Variants in TINAG observed in about 807,000 individuals in gnomAD.
TINAG encodes the protein tubulointerstitial nephritis antigen.
A neutral mutation model predicts 72.7 loss-of-function variants in TINAG; 83 were observed. The ratio of observed to expected loss-of-function variants is 1.14; its 90% confidence interval spans 0.96 to 1.37. The LOEUF is 1.37. TINAG is among the 40% of genes most tolerant of loss of function. TINAG has a pLI of 0.00. For missense variants in TINAG, 685 were observed against 576.6 expected, an observed-to-expected ratio of 1.19 and a Z score of -1.93; for synonymous variants, 234 against 189.9, an observed-to-expected ratio of 1.23 and a Z score of -1.91.
Position 54,308,513 on chromosome 6 carries a change from T to C in TINAG, c.-38T>C. The C allele has an allele frequency of 6.5e-7, 1 of 1,547,276 alleles. No homozygotes were observed. Among genetic ancestry groups the C allele is most frequent in the Non-Finnish European group, 8.8e-7 (1 of 1,139,396 alleles). On this transcript the variant is annotated 5_prime_UTR_variant, in exon 1 of 11. Transcript: ENST00000259782. ...AGCCCACAAGGCTAAGGGTATTGGA[T>C]ATAACGGAAAGTGGAAGCTATACCT...
chr6:54,329,869 A>G (rs1291064875), intron 4 of TINAG, among the ~76,000 whole-genome samples: 1 of 152,150 alleles, frequency 6.6e-6, no homozygotes, highest in Admixed American at 6.5e-5. Flanking sequence ...ATCAAAAAAG[A>G]CCAAGAAGGG....
intron 1 of TINAG, among the ~76,000 whole-genome samples, chr6:54,310,889 A>G (rs1377488460): frequency 2.1e-5 from 1 of 48,242 alleles, no homozygotes; most frequent in East Asian, 6.5e-4. Context: ...TTCTCTCTCT[A>G]TTTCTCTCCC....
intron 9 of TINAG, among the ~76,000 whole-genome samples, chr6:54,355,959 G>A (rs1053126309): frequency 9.2e-5 from 14 of 151,766 alleles, no homozygotes; most frequent in African/African-American, 3.1e-4. Context: ...TTTTGCTAAT[G>A]TTTTTCTCTA....
chr6:54,371,056 A>G (rs1043674945), intron 9 of TINAG, among the ~76,000 whole-genome samples: 4 of 152,050 alleles, frequency 2.6e-5, no homozygotes, highest in African/African-American at 9.7e-5. Flanking sequence ...GTTGTTTTTA[A>G]AAGAATTCTT....
intron 4 of TINAG, among the ~76,000 whole-genome samples, chr6:54,329,130 A>G (rs1313145143): frequency 6.6e-6 from 1 of 152,082 alleles, no homozygotes; most frequent in African/African-American, 2.4e-5. Flanking sequence ...AGAACACCAC[A>G]AAGATACTCC....
At chr6:54,373,379 A>G (rs985052839) in intron 9 of TINAG, among the ~76,000 whole-genome samples, 4 of 152,106 alleles carry the variant, frequency 2.6e-5, no homozygotes, top group Admixed American at 2.0e-4. Flanking sequence ...GGCATCTTCT[A>G]CAGATTATCG....
chr6:54,334,426 T>C (rs1195325796), intron 4 of TINAG, among the ~76,000 whole-genome samples: 1 of 152,106 alleles, frequency 6.6e-6, no homozygotes, highest in Non-Finnish European at 1.5e-5. Flanking sequence ...CCAATTCAAA[T>C]TCCAGTAGCA....
chr6:54,389,908 A>G lies in TINAG; in HGVS notation c.1414A>G (p.Ser472Gly), dbSNP rs1182433752. ...TATCGCAGCTTGGGGCCAACTGACG[A>G]GTTCTGATGAACCATAACATATCAT... ...LIIAAWGQLT[S>G]SDEP The change falls in exon 11 of 11, where the codon AGT becomes GGT. Residue 472 changes from serine (S) to glycine (G), a missense_variant. Ser to Gly is a moderately conservative substitution (Grantham distance 56, BLOSUM62 0). Transcript: ENST00000259782. The G allele has an allele frequency of 1.2e-6, 2 of 1,611,800 alleles. No homozygotes were observed. Among genetic ancestry groups the G allele is most frequent in the Admixed American group, 3.4e-5 (2 of 59,490 alleles).
intron 10 of TINAG, among the ~76,000 whole-genome samples, chr6:54,387,691 T>C (rs1023741300): frequency 3.3e-5 from 5 of 152,170 alleles, no homozygotes; most frequent in African/African-American, 1.2e-4. Context: ...ATTAATACAC[T>C]TTATCTATGT....
intron 9 of TINAG, among the ~76,000 whole-genome samples, chr6:54,360,798 T>C (rs1348210361): frequency 6.8e-6 from 1 of 146,982 alleles, no homozygotes; most frequent in Non-Finnish European, 1.5e-5. Context: ...TAGTCCTACC[T>C]CATCTTATTG....
At position 54,389,960 on chromosome 6, in the gene TINAG, A is replaced by T. The variant is rs1764202104; in HGVS notation, c.*35A>T. The T allele has an allele frequency of 1.9e-6, 3 of 1,594,900 alleles. No individual in the cohort carries two copies. The highest frequency in any genetic ancestry group is 2.6e-6 in the Non-Finnish European group (3 of 1,174,490). ...AAATTTCCATAAGGTCATGCCTTTAAGTAACCCCCTAAATTGAAGTTTAGC... is the reference window on the plus strand; with the variant it reads ...AAATTTCCATAAGGTCATGCCTTTATGTAACCCCCTAAATTGAAGTTTAGC... On this transcript the variant is annotated 3_prime_UTR_variant, in exon 11 of 11. Transcript: ENST00000259782.
rs1176341096 is a variant in TINAG, at chr6:54,335,980, T to C, written c.625-7246T>C. On this transcript the variant is annotated intron_variant, in intron 4 of 10. Coordinates refer to ENST00000259782, the MANE Select transcript of TINAG (RefSeq NM_014464.4). The stretch of plus-strand genomic sequence containing the variant: ...TAAGAGTTTAGATTCGGGAAATTAT[T>C]TTCCCTGGATGGGAAAGATAAGCCA... 2.0e-5 allele frequency among the ~76,000 whole-genome samples: 3 copies of C among 152,178 alleles called. No individual in the cohort carries two copies. In the East Asian group the frequency reaches 5.8e-4, roughly 30 times the overall value.
In TINAG at chr6:54,361,070, C is replaced by T. The variant is rs575248127; in HGVS notation, c.1250+6434C>T. On this transcript the variant is annotated intron_variant, in intron 9 of 10. Transcript: ENST00000259782. ...TATTATAGTAATTATTTTGGGGTGC[C>T]GCAAACAGCACCCATATAAGATGGC... Among the ~76,000 whole-genome samples the T allele has an allele frequency of 3.3e-4, 49 of 150,334 alleles. 1 individual carries two copies. The highest frequency in any genetic ancestry group is 2.0e-4 in the East Asian group (1 of 5,078).
At chr6:54,383,895 C>A (rs1334757131) in intron 10 of TINAG, among the ~76,000 whole-genome samples, 1 of 152,058 alleles carries the variant, frequency 6.6e-6, no homozygotes, top group Non-Finnish European at 1.5e-5. Flanking sequence ...TATAAAGACA[C>A]ATGCACACAC....
chr6:54,349,966 A>G (rs1785225139), intron 7 of TINAG, 70 bp downstream of exon 7: 1 of 1,037,188 alleles, frequency 9.6e-7, no homozygotes, highest in Admixed American at 3.1e-5. Flanking sequence ...TGTAACTAAA[A>G]CAATTTAAAA....
rs115025885 is a variant in TINAG at position 54,380,167 on chromosome 6, C to T, written c.1251-359C>T. ...GTATATATGTGCCACATTTTCTTTC[C>T]AGTCTATCATTGATGGGCATTTGGG... is the stretch of plus-strand genomic sequence containing the variant. On this transcript the variant is annotated intron_variant, in intron 9 of 10. Coordinates refer to ENST00000259782, the MANE Select transcript of TINAG (RefSeq NM_014464.4). Among the ~76,000 whole-genome samples, 659 of 152,100 alleles carry T rather than the reference C, an allele frequency of 4.3e-3. 3 individuals are homozygous for T. The highest frequency in any genetic ancestry group is 0.015 in the African/African-American group (617 of 41,476).
At chr6:54,338,163 G>A (rs1352845687) in intron 4 of TINAG, among the ~76,000 whole-genome samples, 1 of 151,974 alleles carries the variant, frequency 6.6e-6, no homozygotes, top group Non-Finnish European at 1.5e-5. Context: ...ATTTCAATGT[G>A]GTATTTCTGC....
At chr6:54,367,905 G>T (rs148386965) in intron 9 of TINAG, among the ~76,000 whole-genome samples, 9 of 151,714 alleles carry the variant, frequency 5.9e-5, no homozygotes, top group African/African-American at 2.2e-4. Context: ...TGACTGTCTT[G>T]CTGTGTCCTC....
intron 7 of TINAG, among the ~76,000 whole-genome samples, chr6:54,350,160 GTA>G (rs1433011909): frequency 1.3e-5 from 2 of 151,934 alleles, no homozygotes; most frequent in African/African-American, 4.8e-5. Context: ...CATAATATGT[GTA>G]TATACATATA....
Sources: gnomAD v4.1 joint callset for allele counts (sites outside exome capture counted in the v4.1 genomes callset) on GRCh38, gnomAD v4.1.1 for gene constraint, MANE v1.5 for transcripts, NCBI Gene and HGNC (gene_info 2026-07-23, HGNC 2026-07-21) for gene names.